DNAJB6: variants seen among roughly 807,000 people sequenced by gnomAD.
DNAJB6 encodes the protein DnaJ heat shock protein family (Hsp40) member B6, also known as dnaJ homolog subfamily B member 6.
A neutral mutation model predicts 42.7 loss-of-function variants in DNAJB6; 16 were observed. That is an observed-to-expected ratio of 0.37 (90% CI 0.25 to 0.57). DNAJB6 has a LOEUF of 0.57. Ranked by LOEUF, DNAJB6 falls within the 20% of genes least tolerant of loss-of-function variation. DNAJB6 has a pLI of 0.74. For synonymous variants in DNAJB6, 170 were observed against 163.5 expected, an observed-to-expected ratio of 1.04 and a Z score of -0.30; for missense variants, 347 against 416.8, an observed-to-expected ratio of 0.83 and a Z score of 1.46.
intron 8 of DNAJB6, among the ~76,000 whole-genome samples, chr7:157,404,003 G>T (rs1262036277): frequency 6.6e-6 from 1 of 151,928 alleles, no homozygotes; most frequent in African/African-American, 2.4e-5. Flanking sequence ...CAGGATTTCT[G>T]TTACCCAGGC....
intron 1 of DNAJB6, chr7:157,337,436 T>C (rs901908440): frequency 3.9e-5 from 6 of 151,990 alleles, no homozygotes; most frequent in African/African-American, 1.2e-4. Flanking sequence ...GCGGCGGCGG[T>C]TGGGGGTGGG....
At chr7:157,409,058 G>C (rs1339863153) in intron 8 of DNAJB6, among the ~76,000 whole-genome samples, 1 of 152,236 alleles carries the variant, frequency 6.6e-6, no homozygotes, top group Non-Finnish European at 1.5e-5. Flanking sequence ...CTCAAACTTT[G>C]AGAATCACAG....
intron 8 of DNAJB6, chr7:157,386,195 A>C (rs865956055): frequency 1.0e-6 from 1 of 972,528 alleles, no homozygotes; most frequent in Non-Finnish European, 1.2e-6. Flanking sequence ...AATTGTTTAA[A>C]TATGTAATGT....
chr7:157,408,323 A>C (rs1450475026), intron 8 of DNAJB6, among the ~76,000 whole-genome samples: 1 of 152,172 alleles, frequency 6.6e-6, no homozygotes, highest in Non-Finnish European at 1.5e-5. Flanking sequence ...AGTGTGGGGA[A>C]ATAGGATTGG....
chr7:157,364,991 G>A (rs1339576329), intron 3 of DNAJB6, among the ~76,000 whole-genome samples: 1 of 152,198 alleles, frequency 6.6e-6, no homozygotes, highest in Non-Finnish European at 1.5e-5. Flanking sequence ...TCACTCTGTT[G>A]CCCAGGCTGG....
chr7:157,361,657 G>A (rs1799602393), intron 2 of DNAJB6, among the ~76,000 whole-genome samples: 1 of 152,188 alleles, frequency 6.6e-6, no homozygotes, highest in Admixed American at 6.5e-5. Flanking sequence ...GAAATTTTGA[G>A]GGGTATGCTG....
At chr7:157,381,057 C>T (rs1800742047) in intron 5 of DNAJB6, 5 of 151,980 alleles carry the variant, frequency 3.3e-5, no homozygotes, top group Admixed American at 1.3e-4. Context: ...GATTCAAACT[C>T]CTGAGCTCAA....
chr7:157,416,048 A>G lies in DNAJB6; in HGVS notation c.931A>G (p.Lys311Glu). ...AGAAGGTGGCAAGAGGAAGAAGCAG[A>G]AGCAGAGAGAGGAGTCGAAGAAGAA... ...LKEGGKRKKQ[K>E]QREESKKKKS... The change falls in exon 10 of 10, where the codon AAG becomes GAG. Residue 311 changes from lysine (K) to glutamate (E), a missense_variant. Lys to Glu is a moderately conservative substitution (Grantham distance 56). This residue lies in a region of DNAJB6 where 264 missense variants were observed against 288.0 expected (regional missense o/e 0.92). Transcript: ENST00000262177. 6.2e-7 allele frequency: 1 copy of G among 1,614,210 alleles called. No individual in the cohort carries two copies. The highest frequency in any genetic ancestry group is 8.5e-7 in the Non-Finnish European group (1 of 1,180,048).
In DNAJB6 at chr7:157,399,321, G is replaced by C. The variant is rs553450028; in HGVS notation, c.692-10474G>C. 2.6e-5 allele frequency among the ~76,000 whole-genome samples: 4 copies of C among 152,318 alleles called. No homozygotes were observed. In the East Asian group the frequency reaches 7.7e-4, roughly 29 times the overall value. On this transcript the variant is annotated intron_variant, in intron 8 of 9. Transcript: ENST00000262177. ...AGGTCTTTCGCCTCCTGATGAGTAGGTGCCAGGAAAGTGGCCCTGCCCCTG... is the reference window on the plus strand; with the variant it reads ...AGGTCTTTCGCCTCCTGATGAGTAGCTGCCAGGAAAGTGGCCCTGCCCCTG...
intron 1 of DNAJB6, among the ~76,000 whole-genome samples, chr7:157,354,337 A>G (rs1020965228): frequency 4.6e-5 from 7 of 151,940 alleles, no homozygotes; most frequent in Non-Finnish European, 1.5e-5. Context: ...AGTAGAGACA[A>G]GGTTGCTCCA....
chr7:157,349,048 T>C lies in DNAJB6; in HGVS notation c.-26-9499T>C, dbSNP rs78943973. Among the ~76,000 whole-genome samples, 440 of 152,286 alleles carry C rather than the reference T, an allele frequency of 2.9e-3. 5 individuals carry two copies. In the East Asian group the frequency reaches 0.037, roughly 13 times the overall value. On this transcript the variant is annotated intron_variant, in intron 1 of 9. Coordinates refer to ENST00000262177, the MANE Select transcript of DNAJB6 (RefSeq NM_058246.4). Reference sequence around the variant, plus strand: ...GTGCATATTTGTCTTTTTAAATTTTTTTTTATTTTTTGTGTAGATGAGGGC... The same window carrying C: ...GTGCATATTTGTCTTTTTAAATTTTCTTTTATTTTTTGTGTAGATGAGGGC...
chr7:157,348,611 G>T (rs989182459), intron 1 of DNAJB6, among the ~76,000 whole-genome samples: 2 of 152,048 alleles, frequency 1.3e-5, no homozygotes, highest in Non-Finnish European at 2.9e-5. Context: ...TAACCCTGCC[G>T]TCCAGTCATC....
At chr7:157,339,262 T>G (rs1480467115) in intron 1 of DNAJB6, among the ~76,000 whole-genome samples, 1 of 133,692 alleles carries the variant, frequency 7.5e-6, no homozygotes, top group African/African-American at 2.7e-5. Context: ...GAGGTGGGGG[T>G]GGAATGGTCT....
chr7:157,361,630 G>C (rs1217795888), intron 2 of DNAJB6, among the ~76,000 whole-genome samples: 1 of 152,214 alleles, frequency 6.6e-6, no homozygotes, highest in Non-Finnish European at 1.5e-5. Flanking sequence ...AGCACTGTCA[G>C]ATTAGTATAC....
chr7:157,391,288 C>T (rs1472653235), intron 8 of DNAJB6, among the ~76,000 whole-genome samples: 1 of 152,224 alleles, frequency 6.6e-6, no homozygotes, highest in African/African-American at 2.4e-5. Flanking sequence ...AACTTTGCTG[C>T]TCGTCAGCTC....
chr7:157,369,144 T>G (rs532178021), intron 5 of DNAJB6: 28 of 385,100 alleles, frequency 7.3e-5, no homozygotes, highest in African/African-American at 5.2e-4. Context: ...ACCGGGAGAC[T>G]GGCGTGCTCA....
intron 9 of DNAJB6, chr7:157,411,098 G>A (rs1336897831): frequency 6.6e-6 from 1 of 152,324 alleles, no homozygotes; most frequent in East Asian, 1.9e-4. Flanking sequence ...GTGTCACTGA[G>A]TGACAGACAG....
At chr7:157,351,603 A>T (rs1006038160) in intron 1 of DNAJB6, among the ~76,000 whole-genome samples, 2 of 151,462 alleles carry the variant, frequency 1.3e-5, no homozygotes, top group African/African-American at 4.9e-5. Context: ...ACTGCACTCC[A>T]GCCTGGGTGA....
chr7:157,374,939 A>G (rs1800395858), intron 5 of DNAJB6, among the ~76,000 whole-genome samples: 1 of 152,260 alleles, frequency 6.6e-6, no homozygotes, highest in East Asian at 1.9e-4. Context: ...GTCCTTTGTC[A>G]GTTTGGGTTT....
Sources: allele counts gnomAD v4.1 joint callset (sites outside exome capture counted in the v4.1 genomes callset), GRCh38; gene constraint gnomAD v4.1.1; regional missense constraint gnomAD v4.1.1; transcripts MANE v1.5; gene names NCBI Gene and HGNC (gene_info 2026-07-23, HGNC 2026-07-21).